MSH4: variants seen among roughly 807,000 people sequenced by gnomAD.
MSH4 encodes the protein mutS protein homolog 4.
A neutral mutation model predicts 113.7 loss-of-function variants in MSH4; 106 were observed. That is an observed-to-expected ratio of 0.93 (90% CI 0.80 to 1.10). The LOEUF (loss-of-function observed/expected upper bound fraction) is 1.10. Ranked by LOEUF, MSH4 falls within the 50% of genes least tolerant of loss-of-function variation. The probability of loss-of-function intolerance (pLI) is 0.00; values close to 1 mark genes in which losing one functional copy is unlikely to be tolerated. For synonymous variants in MSH4, 368 were observed against 380.2 expected (o/e 0.97, Z 0.37); for missense variants, 1,061 against 1,093.7 (o/e 0.97, Z 0.42).
chr1:75,882,656 T>C (rs2100573630), intron 14 of MSH4, among the ~76,000 whole-genome samples: 1 of 111,468 alleles, frequency 9.0e-6, no homozygotes, highest in East Asian at 2.6e-4. Context: ...TAGCTAGACC[T>C]CATTTCTAAA....
chr1:75,862,218 T>G (rs1324273441), intron 8 of MSH4, among the ~76,000 whole-genome samples: 4 of 151,752 alleles, frequency 2.6e-5, no homozygotes. Flanking sequence ...GAAAGAGAAA[T>G]CCCCCCACCC....
At chr1:75,885,314 TGG>T (rs755966813) in intron 15 of MSH4, among the ~76,000 whole-genome samples, 955 of 93,080 alleles carry the variant, frequency 0.01, 10 homozygotes, top group Admixed American at 0.037. Flanking sequence ...AGACTCACAC[TGG>T]GGGTGTGTGT....
chr1:75,853,301 G>A (rs1044480394), intron 8 of MSH4, among the ~76,000 whole-genome samples: 31 of 152,268 alleles, frequency 2.0e-4, no homozygotes, highest in African/African-American at 7.2e-4. Flanking sequence ...CTGACCTCAA[G>A]TGATCTGCCT....
Position 75,857,243 on chromosome 1 carries a change from A to G in MSH4, c.1230+8967A>G, listed in dbSNP as rs150620096. ...TTTTCTCCCATTCTGTAAGTTGCCT[A>G]TTCACTCTGATGATAGTTTCTTTCA... On this transcript the variant is annotated intron_variant, in intron 8 of 19. Transcript: ENST00000263187. 6.3e-3 allele frequency among the ~76,000 whole-genome samples: 964 copies of G among 152,204 alleles called. 16 individuals are homozygous for G. The highest frequency in any genetic ancestry group is 0.035 in the Admixed American group (539 of 15,288).
intron 2 of MSH4, 113 bp downstream of exon 2, chr1:75,804,026 A>G: frequency 1.5e-6 from 1 of 647,820 alleles, no homozygotes; most frequent in Non-Finnish European, 2.3e-6. Context: ...ATATGAATGA[A>G]AAATAAATAC....
rs1460611992 is a variant in MSH4 at position 75,822,483 on chromosome 1, T to C, written c.1064T>C (p.Ile355Thr). ...GGGAGTAGACGACTTCGTTCTAATA[T>C]ATTAGAGCCTCTAGTTGATATTGAA... ...PGGSRRLRSN[I>T]LEPLVDIETI... Residue 355 changes from isoleucine (I) to threonine (T), a missense_variant, in exon 7 of 20, where the codon ATA becomes ACA. Ile to Thr is a moderately conservative substitution (Grantham distance 89, BLOSUM62 -1). Coordinates refer to ENST00000263187, the MANE Select transcript of MSH4 (RefSeq NM_002440.4). 5.7e-6 allele frequency: 9 copies of C among 1,587,260 alleles called. 1 individual carries two copies. In the South Asian group the frequency reaches 1.0e-4, roughly 18 times the overall value.
At chr1:75,799,118 T>C (rs557676834) in intron 1 of MSH4, among the ~76,000 whole-genome samples, 1 of 152,310 alleles carries the variant, frequency 6.6e-6, no homozygotes, top group South Asian at 2.1e-4. Context: ...GCAACATGAA[T>C]GTTCACATTG....
intron 15 of MSH4, among the ~76,000 whole-genome samples, chr1:75,887,847 T>A (rs1652160501): frequency 6.6e-6 from 1 of 151,996 alleles, no homozygotes. Flanking sequence ...TGATTCAAAT[T>A]CTGGCTCTAT....
chr1:75,888,636 A>C (rs868669131), intron 15 of MSH4, among the ~76,000 whole-genome samples: 10 of 151,682 alleles, frequency 6.6e-5, no homozygotes, highest in Non-Finnish European at 1.5e-4. Context: ...TATTTTTGAC[A>C]TAATAATTGC....
At chr1:75,832,390 A>C (rs1368804587) in intron 7 of MSH4, among the ~76,000 whole-genome samples, 4 of 152,336 alleles carry the variant, frequency 2.6e-5, no homozygotes, top group Non-Finnish European at 5.9e-5. Context: ...CTCTGAAATT[A>C]TTCTGATCAA....
chr1:75,814,887 A>C, intron 4 of MSH4, 134 bp from the exon 5 acceptor site: 2 of 618,444 alleles, frequency 3.2e-6, no homozygotes, highest in African/African-American at 1.9e-5. Flanking sequence ...GAAATAACTA[A>C]GAAAAGTTCT....
intron 8 of MSH4, among the ~76,000 whole-genome samples, chr1:75,859,871 T>A (rs1045555808): frequency 1.3e-5 from 2 of 152,222 alleles, no homozygotes; most frequent in Non-Finnish European, 2.9e-5. Flanking sequence ...TGTTAACGTC[T>A]CCCATTATTA....
chr1:75,891,222 A>G (rs1652245612), intron 17 of MSH4, among the ~76,000 whole-genome samples: 1 of 152,176 alleles, frequency 6.6e-6, no homozygotes, highest in African/African-American at 2.4e-5. Flanking sequence ...ACCTAAGTAA[A>G]TTTTATTCCT....
intron 7 of MSH4, 61 bp from the exon 8 acceptor site, chr1:75,848,148 T>G (rs1651113966): frequency 4.8e-6 from 5 of 1,047,640 alleles, no homozygotes; most frequent in Non-Finnish European, 5.8e-6. Context: ...ATATTTTACA[T>G]AGTCAATATT....
chr1:75,892,961 G>T (rs5745519), intron 17 of MSH4, among the ~76,000 whole-genome samples: 45 of 152,216 alleles, frequency 3.0e-4, no homozygotes, highest in African/African-American at 1.1e-3. Flanking sequence ...TTTCTTCCAG[G>T]TGAATGCAGG....
intron 7 of MSH4, among the ~76,000 whole-genome samples, chr1:75,845,735 T>C (rs970122458): frequency 4.6e-5 from 7 of 152,074 alleles, no homozygotes; most frequent in Admixed American, 3.9e-4. Flanking sequence ...AGGGGGTGAT[T>C]ACCCACTCCC....
At chr1:75,843,475 G>C (rs1304213996) in intron 7 of MSH4, among the ~76,000 whole-genome samples, 1 of 152,192 alleles carries the variant, frequency 6.6e-6, no homozygotes, top group Non-Finnish European at 1.5e-5. Context: ...GGCATGGCAA[G>C]GACATATATT....
At position 75,856,770 on chromosome 1, in the gene MSH4, T is replaced by C. The variant is rs146040556; in HGVS notation, c.1230+8494T>C. On this transcript the variant is annotated intron_variant, in intron 8 of 19. Transcript: ENST00000263187. Reference sequence around the variant, plus strand: ...CATACATGTACATGTGTCTTTATCGTAGAATGATTTATAATCTTTTGGGTA... The same window carrying C: ...CATACATGTACATGTGTCTTTATCGCAGAATGATTTATAATCTTTTGGGTA... Among the ~76,000 whole-genome samples the C allele has an allele frequency of 6.4e-4, 97 of 152,316 alleles. No individual in the cohort carries two copies. In the East Asian group the frequency reaches 0.016, roughly 25 times the overall value.
At chr1:75,856,700 G>A (rs1187682269) in intron 8 of MSH4, among the ~76,000 whole-genome samples, 1 of 152,194 alleles carries the variant, frequency 6.6e-6, no homozygotes, top group Non-Finnish European at 1.5e-5. Context: ...ATGGACATGT[G>A]AGTTGGTTCC....
Sources: allele counts gnomAD v4.1 joint callset (sites outside exome capture counted in the v4.1 genomes callset), GRCh38; gene constraint gnomAD v4.1.1; transcripts MANE v1.5; gene names NCBI Gene and HGNC (gene_info 2026-07-23, HGNC 2026-07-21).